The following TSR1 variants were observed in gnomAD, a reference collection of about 807,000 sequenced individuals.
The protein encoded by TSR1 is pre-rRNA-processing protein TSR1 homolog.
A neutral mutation model predicts 90.9 loss-of-function variants in TSR1; 81 were observed. That is an observed-to-expected ratio of 0.89 (90% CI 0.74 to 1.07). The LOEUF is 1.07. Ranked by LOEUF, TSR1 falls within the 50% of genes least tolerant of loss-of-function variation. TSR1 has a pLI of 0.00. For synonymous variants in TSR1, 362 were observed against 348.8 expected (o/e 1.04, Z -0.42); for missense variants, 989 against 987.3 (o/e 1.00, Z -0.02).
rs1403388459 is a variant in TSR1 at position 2,333,665 on chromosome 17, T to C, written c.1033A>G (p.Met345Val). The C allele has an allele frequency of 1.2e-6, 2 of 1,614,040 alleles. No homozygotes were observed. Among genetic ancestry groups the C allele is most frequent in the Admixed American group, 1.7e-5 (1 of 59,976 alleles). ...DDMEEGLKVL[M>V]KADPGRQESL... ...TCCTGTCTACCAGGGTCTGCCTTCA[T>C]TAGGACTTTAAGACCTTCTTCCATA... The change falls in exon 6 of 15, where the codon ATG becomes GTG. Residue 345 changes from methionine (M) to valine (V), a missense_variant. Met to Val is a conservative substitution (Grantham distance 21, BLOSUM62 1). Coordinates refer to ENST00000301364, the MANE Select transcript of TSR1 (RefSeq NM_018128.5).
At chr17:2,330,472 A>G in intron 10 of TSR1, 43 bp downstream of exon 10, 2 of 1,570,910 alleles carry the variant, frequency 1.3e-6, no homozygotes, top group East Asian at 2.2e-5. Context: ...AAGCAGCTGG[A>G]AAGTTTCACA....
Position 2,335,610 on chromosome 17 carries a change from T to G in TSR1, c.322A>C (p.Thr108Pro). Residue 108 changes from threonine (T) to proline (P), a missense_variant, in exon 3 of 15, where the codon ACT becomes CCT. Transcript: ENST00000301364. The stretch of plus-strand genomic sequence containing the variant: ...AATTCATTCAAGTGTACTGTTCCAG[T>G]GTCCCTATCTTGAAGCAGCTGCATG... Reference protein sequence around the residue: ...EAMQLLQDRDTGTVHLNELGN... With the variant: ...EAMQLLQDRDPGTVHLNELGN... 1 of 1,614,190 alleles carries G rather than the reference T, an allele frequency of 6.2e-7. No individual in the cohort carries two copies. Among genetic ancestry groups the G allele is most frequent in the Non-Finnish European group, 8.5e-7 (1 of 1,180,026 alleles).
chr17:2,335,264 G>A lies in TSR1; in HGVS notation c.552C>T (p.Thr184=), dbSNP rs376503650. 1.9e-4 allele frequency: 309 copies of A among 1,613,324 alleles called. 1 individual carries two copies. The highest frequency in any genetic ancestry group is 2.5e-4 in the Non-Finnish European group (293 of 1,179,784). The change falls in exon 4 of 15, where the codon ACC becomes ACT. Residue 184 remains threonine (T), a synonymous_variant. Coordinates refer to ENST00000301364, the MANE Select transcript of TSR1 (RefSeq NM_018128.5). ...AATAAATGCTAACTCACTTACTATA[G>A]GTCGGAAGGCCCTGAGCAAAGAGGC... ...LSCLFAQGLP[T]YTLAVQGISG... is the part of the protein sequence containing the mutation.
In TSR1 at chr17:2,327,148, G is replaced by A. The variant is rs544377322; in HGVS notation, c.1904-1728C>T. Among the ~76,000 whole-genome samples, 75 of 151,434 alleles carry A rather than the reference G, an allele frequency of 5.0e-4. 2 individuals are homozygous for A. Among genetic ancestry groups the A allele is most frequent in the African/African-American group, 1.7e-3 (70 of 41,244 alleles). ...TTTTTCGTAGAGGCCGGGCATGTTGGCTCATCCCTATAAATCCCAGCACTT... is the reference window on the plus strand; with the variant it reads ...TTTTTCGTAGAGGCCGGGCATGTTGACTCATCCCTATAAATCCCAGCACTT... On this transcript the variant is annotated intron_variant, in intron 11 of 14. Coordinates refer to ENST00000301364, the MANE Select transcript of TSR1 (RefSeq NM_018128.5).
Position 2,336,077 on chromosome 17 carries a change from C to T in TSR1, c.161G>A (p.Arg54Lys). The change falls in exon 2 of 15, where the codon AGG becomes AAG. Residue 54 changes from arginine (R) to lysine (K), a missense_variant. Physicochemically the swap from Arg to Lys is conservative, Grantham distance 26. Coordinates refer to ENST00000301364, the MANE Select transcript of TSR1 (RefSeq NM_018128.5). ...VRKELSRVDQ[R>K]HRASQLRKQK... ...CTTTCGGAGCTGGCTGGCGCGATGC[C>T]TCTGGTCGACTCTGCTGAGTTCTTT... The T allele has an allele frequency of 6.2e-7, 1 of 1,614,206 alleles. No homozygotes were observed. The highest frequency in any genetic ancestry group is 8.5e-7 in the Non-Finnish European group (1 of 1,180,030).
Position 2,324,682 on chromosome 17 carries a change from T to C in TSR1, c.2161+7A>G, listed in dbSNP as rs369408389. ...AATCAGATCCCATCCTCCTCCTTCA[T>C]ACCCACCTCTGTTGAAGAACATGTA... On this transcript the variant is annotated splice_region_variant and intron_variant, in intron 13 of 14. Transcript: ENST00000301364. 1 of 1,614,106 alleles carries C rather than the reference T, an allele frequency of 6.2e-7. No homozygotes were observed. The highest frequency in any genetic ancestry group is 1.1e-5 in the South Asian group (1 of 91,074).
In TSR1 at chr17:2,325,352, T is replaced by C. The variant is rs2075569696; in HGVS notation, c.1972A>G (p.Ile658Val). The C allele has an allele frequency of 6.2e-7, 1 of 1,613,432 alleles. No individual in the cohort carries two copies. Among genetic ancestry groups the C allele is most frequent in the South Asian group, 1.1e-5 (1 of 90,836 alleles). ...AGCACAGATGCAGGAGGAAAAGTGA[T>C]TGGCGCATAGACTGTCGCCACCAGG... ...MALVATVYAPITFPPASVLLF... is the reference protein window; with the variant it reads ...MALVATVYAPVTFPPASVLLF... The change falls in exon 12 of 15, where the codon ATC (isoleucine) becomes GTC (valine). Residue 658 changes from isoleucine (I) to valine (V), a missense_variant. Coordinates refer to ENST00000301364, the MANE Select transcript of TSR1 (RefSeq NM_018128.5).
intron 13 of TSR1, 55 bp downstream of exon 13, chr17:2,324,634 C>T (rs1376925949): frequency 1.2e-6 from 2 of 1,613,910 alleles, no homozygotes; most frequent in Non-Finnish European, 1.7e-6. Context: ...AAAATGTAAA[C>T]CCAACCTTTA....
intron 8 of TSR1, 147 bp from the exon 9 acceptor site, chr17:2,331,256 G>C (rs759248359): frequency 1.6e-5 from 10 of 621,756 alleles, no homozygotes; most frequent in Non-Finnish European, 2.6e-5. Flanking sequence ...AAACCAAGAC[G>C]ACACTCCGAA....
Position 2,324,178 on chromosome 17 carries a change from A to G in TSR1, c.*18T>C. 1 of 1,515,126 alleles carries G rather than the reference A, an allele frequency of 6.6e-7. No individual in the cohort carries two copies. Among genetic ancestry groups the G allele is most frequent in the East Asian group, 2.3e-5 (1 of 43,972 alleles). The allele number at this position is 1,515,126 out of a possible 1,614,324, so 93.9% of individuals were successfully genotyped here. A position where few individuals can be genotyped will look rare whatever the true frequency, so the allele number is the denominator to read the frequency against. On this transcript the variant is annotated 3_prime_UTR_variant, in exon 15 of 15. Coordinates refer to ENST00000301364, the MANE Select transcript of TSR1 (RefSeq NM_018128.5). Reference sequence around the variant, plus strand: ...GAGTACTGACTGGCACCGGTAAGACAGAATCTCTTTGAATCCATTACTCCA... The same window carrying G: ...GAGTACTGACTGGCACCGGTAAGACGGAATCTCTTTGAATCCATTACTCCA...
rs1366957060 is a variant in TSR1 at position 2,323,590 on chromosome 17, G to A, written c.*606C>T. The A allele has an allele frequency of 6.5e-7, 1 of 1,537,994 alleles. No individual in the cohort carries two copies. Among genetic ancestry groups the A allele is most frequent in the African/African-American group, 1.4e-5 (1 of 73,466 alleles). On this transcript the variant is annotated 3_prime_UTR_variant, in exon 15 of 15. Transcript: ENST00000301364. ...TCAAACTGGACACGTATTCTCATCT[G>A]AACTTTATAGGTAAACCAACTAGAC...
chr17:2,330,162 A>G (rs534447127), intron 10 of TSR1: 2 of 439,482 alleles, frequency 4.6e-6, no homozygotes, highest in Middle Eastern at 3.7e-4. Context: ...CAGGTGATCC[A>G]CCCACCTTGG....
chr17:2,333,815 A>AT, intron 5 of TSR1, 99 bp from the exon 6 acceptor site: 2 of 1,432,958 alleles, frequency 1.4e-6, no homozygotes, highest in Non-Finnish European at 1.9e-6. Flanking sequence ...CCTCATGTAT[A>AT]AGATGAGTGC....
chr17:2,334,394 C>G (rs770467465), intron 5 of TSR1, 78 bp downstream of exon 5: 597 of 1,465,464 alleles, frequency 4.1e-4, no homozygotes, highest in Non-Finnish European at 5.3e-4. Context: ...CCTAAGTGTA[C>G]AGACTATCTT....
Position 2,325,382 on chromosome 17 carries a change from T to G in TSR1, c.1942A>C (p.Met648Leu), listed in dbSNP as rs1478540272. The change falls in exon 12 of 15, where the codon ATG becomes CTG. Residue 648 changes from methionine (M) to leucine (L), a missense_variant. Physicochemically the swap from Met to Leu is conservative, Grantham distance 15. Coordinates refer to ENST00000301364, the MANE Select transcript of TSR1 (RefSeq NM_018128.5). ...HKLQRFLTAD[M>L]ALVATVYAPI... Reference sequence around the variant, plus strand: ...GCATAGACTGTCGCCACCAGGGCCATGTCAGCAGTCAGGAATCTCTGCAAT... The same window carrying G: ...GCATAGACTGTCGCCACCAGGGCCAGGTCAGCAGTCAGGAATCTCTGCAAT... 1 of 1,613,430 alleles carries G rather than the reference T, an allele frequency of 6.2e-7. No individual in the cohort carries two copies. The highest frequency in any genetic ancestry group is 1.1e-5 in the South Asian group (1 of 90,878).
rs1473170121 is a variant in TSR1, at chr17:2,323,666, G to A, written c.*530C>T. The A allele has an allele frequency of 1.9e-6, 3 of 1,613,966 alleles. No homozygotes were observed. The highest frequency in any genetic ancestry group is 2.7e-5 in the African/African-American group (2 of 74,936). On this transcript the variant is annotated 3_prime_UTR_variant, in exon 15 of 15. Transcript: ENST00000301364. ...TTCCATATCAACAGTGTGCAACCCA[G>A]CTGGTGTGGGAGAGGATGAAACTAC...
At chr17:2,331,195 G>A (rs2064001079) in intron 8 of TSR1, 86 bp from the exon 9 acceptor site, 2 of 1,190,654 alleles carry the variant, frequency 1.7e-6, no homozygotes, top group Non-Finnish European at 2.3e-6. Context: ...TGGCTAAGGA[G>A]CTAGCTGAAA....
At position 2,335,631 on chromosome 17, in the gene TSR1, G is replaced by A. The variant is rs770245668; in HGVS notation, c.301C>T (p.Gln101Ter). Residue 101 changes from glutamine to a stop codon, truncating the protein, a stop_gained, in exon 3 of 15, where the codon CAG becomes TAG. Transcript: ENST00000301364. LOFTEE classifies it high-confidence loss of function. ...CCAGTGTCCCTATCTTGAAGCAGCT[G>A]CATGGCCTCTGGCAGGGAAATTCTG... is the stretch of plus-strand genomic sequence containing the variant. Reference protein sequence around the residue: ...HSRISLPEAMQLLQDRDTGTV... With the variant: ...HSRISLPEAM 1.8e-5 allele frequency: 29 copies of A among 1,614,174 alleles called. No individual in the cohort carries two copies. Among genetic ancestry groups the A allele is most frequent in the Non-Finnish European group, 2.4e-5 (28 of 1,180,030 alleles).
At chr17:2,330,711 C>G (rs2236376) in intron 9 of TSR1, 86 bp from the exon 10 acceptor site, 1 of 1,392,512 alleles carries the variant, frequency 7.2e-7, no homozygotes, top group Non-Finnish European at 9.9e-7. Flanking sequence ...TGTTGAGTCT[C>G]TCAGATAAAA....
Sources: gnomAD v4.1 joint callset for allele counts (sites outside exome capture counted in the v4.1 genomes callset) on GRCh38, gnomAD v4.1.1 for gene constraint, MANE v1.5 for transcripts, NCBI Gene and HGNC (gene_info 2026-07-23, HGNC 2026-07-21) for gene names.